The following CWC27 variants were observed in gnomAD, a reference collection of about 807,000 sequenced individuals.
The protein encoded by CWC27 is spliceosome-associated protein CWC27 homolog.
In CWC27, 47 loss-of-function variants were observed where a neutral mutation model predicts 63.6. That is an observed-to-expected ratio of 0.74 (90% confidence interval 0.58 to 0.94). The LOEUF (loss-of-function observed/expected upper bound fraction) is 0.94. Ranked by LOEUF, CWC27 falls within the 40% of genes least tolerant of loss-of-function variation. CWC27 has a pLI of 0.00. For missense variants in CWC27, 495 were observed against 554.3 expected, an observed-to-expected ratio of 0.89 and a Z score of 1.07; for synonymous variants, 175 against 179.8, an observed-to-expected ratio of 0.97 and a Z score of 0.22.
intron 12 of CWC27, among the ~76,000 whole-genome samples, chr5:64,974,332 AAGG>A (rs1749184643): frequency 6.6e-6 from 1 of 152,130 alleles, no homozygotes; most frequent in African/African-American, 2.4e-5. Flanking sequence ...TGGGGAAAAA[AAGG>A]AGGTTTAATT....
Position 64,793,143 on chromosome 5 carries a change from A to C in CWC27, c.669+4123A>C, listed in dbSNP as rs1443613143. On this transcript the variant is annotated intron_variant, in intron 7 of 13. Transcript: ENST00000381070. Reference sequence around the variant, plus strand: ...CATTATCAGCTCAGCCTTTTTGGGTAGGAAGCCACAATCTTGACACAATTG... The same window carrying C: ...CATTATCAGCTCAGCCTTTTTGGGTCGGAAGCCACAATCTTGACACAATTG... Among the ~76,000 whole-genome samples the C allele has an allele frequency of 2.0e-5, 3 of 152,230 alleles. No homozygotes were observed. The East Asian group carries it at 5.8e-4, about 29-fold the overall frequency.
At chr5:64,951,758 G>A (rs1367180247) in intron 11 of CWC27, among the ~76,000 whole-genome samples, 1 of 151,832 alleles carries the variant, frequency 6.6e-6, no homozygotes, top group Non-Finnish European at 1.5e-5. Context: ...TTTTGCAACT[G>A]ACATCTTTTC....
intron 11 of CWC27, among the ~76,000 whole-genome samples, chr5:64,931,788 C>T (rs1748241583): frequency 6.6e-6 from 1 of 151,926 alleles, no homozygotes; most frequent in African/African-American, 2.4e-5. Flanking sequence ...GGTATGTATC[C>T]AATTACACCT....
intron 6 of CWC27, 51 bp downstream of exon 6, chr5:64,786,678 AT>A: frequency 9.1e-7 from 1 of 1,099,576 alleles, no homozygotes; most frequent in Non-Finnish European, 1.3e-6. Context: ...ACACTCATTC[AT>A]TTAGTTTACT....
chr5:64,948,673 T>C (rs1053713102), intron 11 of CWC27, among the ~76,000 whole-genome samples: 4 of 152,040 alleles, frequency 2.6e-5, no homozygotes, highest in African/African-American at 7.2e-5. Flanking sequence ...ACAGTGTTAA[T>C]AATTAATAAT....
At chr5:64,961,910 T>C (rs1446637099) in intron 11 of CWC27, among the ~76,000 whole-genome samples, 1 of 152,226 alleles carries the variant, frequency 6.6e-6, no homozygotes, top group Non-Finnish European at 1.5e-5. Flanking sequence ...AATTCCATCC[T>C]TCATTACTAT....
intron 11 of CWC27, among the ~76,000 whole-genome samples, chr5:64,932,152 T>G (rs1277851611): frequency 6.6e-6 from 1 of 152,146 alleles, no homozygotes; most frequent in African/African-American, 2.4e-5. Context: ...TATTAACATT[T>G]TACTGTTGAA....
chr5:65,013,343 T>C (rs1191636066), intron 13 of CWC27, among the ~76,000 whole-genome samples: 1 of 152,198 alleles, frequency 6.6e-6, no homozygotes, highest in African/African-American at 2.4e-5. Flanking sequence ...AAGTTGACTC[T>C]TAGCTTAGCA....
At chr5:64,804,123 A>AC (rs1744577749) in intron 9 of CWC27, 106 bp from the exon 10 acceptor site, 1 of 1,024,138 alleles carries the variant, frequency 9.8e-7, no homozygotes, top group African/African-American at 1.6e-5. Flanking sequence ...ATAAAAAAAA[A>AC]AACCTAGTTT....
At chr5:64,973,181 G>T (rs142027112) in intron 12 of CWC27, among the ~76,000 whole-genome samples, 67 of 152,238 alleles carry the variant, frequency 4.4e-4, no homozygotes, top group African/African-American at 1.6e-3. Flanking sequence ...AGGCTGAAGA[G>T]GTAAGCAAAA....
At chr5:64,941,206 C>T (rs561561886) in intron 11 of CWC27, among the ~76,000 whole-genome samples, 1 of 152,104 alleles carries the variant, frequency 6.6e-6, no homozygotes, top group East Asian at 1.9e-4. Context: ...CACCCTTTTT[C>T]CTAAGGAGCT....
intron 13 of CWC27, among the ~76,000 whole-genome samples, chr5:64,981,867 G>A (rs191273625): frequency 3.3e-5 from 5 of 152,182 alleles, no homozygotes; most frequent in African/African-American, 4.8e-5. Context: ...AAGTAGTCTT[G>A]TTCTTGGTTC....
chr5:64,892,453 A>T (rs532846124), intron 11 of CWC27, among the ~76,000 whole-genome samples: 2 of 152,246 alleles, frequency 1.3e-5, no homozygotes, highest in Non-Finnish European at 2.9e-5. Context: ...AAAGGTTAAA[A>T]AGAAAGATTA....
intron 3 of CWC27, among the ~76,000 whole-genome samples, chr5:64,783,441 T>C (rs1743766605): frequency 6.6e-6 from 1 of 152,178 alleles, no homozygotes; most frequent in Non-Finnish European, 1.5e-5. Context: ...ACATTTAGAA[T>C]GAGATGGGAA....
intron 11 of CWC27, among the ~76,000 whole-genome samples, chr5:64,894,150 G>A (rs779829843): frequency 2.9e-4 from 44 of 152,006 alleles, no homozygotes; most frequent in Admixed American, 2.4e-3. Flanking sequence ...GGCTGGTCTC[G>A]AACTCCAGAC....
intron 11 of CWC27, among the ~76,000 whole-genome samples, chr5:64,893,526 T>G (rs1747293067): frequency 6.6e-6 from 1 of 152,198 alleles, no homozygotes. Flanking sequence ...GCACATAAAC[T>G]CCAGGCAGAT....
chr5:64,821,125 G>T (rs964591352), intron 10 of CWC27, among the ~76,000 whole-genome samples: 3 of 134,110 alleles, frequency 2.2e-5, no homozygotes, highest in African/African-American at 5.7e-5. Context: ...TCACTCTGTC[G>T]CCAGGCTGGA....
chr5:64,885,057 A>C (rs112630552), intron 10 of CWC27, among the ~76,000 whole-genome samples: 3 of 152,270 alleles, frequency 2.0e-5, no homozygotes, highest in African/African-American at 7.2e-5. Context: ...ACCATTTTTG[A>C]AGCCAAATTT....
intron 10 of CWC27, among the ~76,000 whole-genome samples, chr5:64,844,252 A>T (rs1745917327): frequency 6.6e-6 from 1 of 152,168 alleles, no homozygotes; most frequent in Non-Finnish European, 1.5e-5. Context: ...GCATGGCTAG[A>T]CTGCCTGGAG....
Sources: gnomAD v4.1 joint callset for allele counts (sites outside exome capture counted in the v4.1 genomes callset) on GRCh38, gnomAD v4.1.1 for gene constraint, MANE v1.5 for transcripts, NCBI Gene and HGNC (gene_info 2026-07-23, HGNC 2026-07-21) for gene names.